The following ANKFN1 variants were observed in gnomAD, a reference collection of about 807,000 sequenced individuals.
ANKFN1 encodes the protein ankyrin repeat and fibronectin type III domain containing 1.
Under a neutral mutation model 108.7 loss-of-function variants are expected in ANKFN1, and 74 were observed. The observed-to-expected ratio is 0.68, with a 90% CI of 0.56 to 0.83. The LOEUF is 0.83. Ranked by LOEUF, ANKFN1 falls within the 40% of genes least tolerant of loss-of-function variation. The probability of loss-of-function intolerance (pLI) is 0.00; values close to 1 mark genes in which losing one functional copy is unlikely to be tolerated. For missense variants in ANKFN1, 1,505 were observed against 1,382.3 expected (o/e 1.09, Z -1.41); for synonymous variants, 547 against 516.2 (o/e 1.06, Z -0.81).
intron 1 of ANKFN1, among the ~76,000 whole-genome samples, chr17:56,199,800 A>G (rs1204848005): frequency 1.3e-5 from 2 of 152,140 alleles, no homozygotes; most frequent in African/African-American, 4.8e-5. Context: ...TTTGGAACAC[A>G]TTTATACTAA....
chr17:56,380,700 G>A (rs2047073184), intron 8 of ANKFN1, among the ~76,000 whole-genome samples: 1 of 152,256 alleles, frequency 6.6e-6, no homozygotes, highest in East Asian at 1.9e-4. Flanking sequence ...AGCAGTCTGA[G>A]ATCAAACTGC....
At chr17:56,343,756 A>G (rs8076352) in intron 4 of ANKFN1, among the ~76,000 whole-genome samples, 16,558 of 151,700 alleles carry the variant, frequency 0.11, 1,785 homozygotes, top group African/African-American at 0.28. Flanking sequence ...CACTCTTCAC[A>G]TTTCTTCATA....
At chr17:56,267,618 G>A (rs2043686211) in intron 3 of ANKFN1, among the ~76,000 whole-genome samples, 1 of 152,112 alleles carries the variant, frequency 6.6e-6, no homozygotes, top group Admixed American at 6.5e-5. Context: ...ATATGGCTAA[G>A]CAGTTATCCC....
intron 15 of ANKFN1, chr17:56,471,984 A>G (rs561275912): frequency 6.6e-6 from 1 of 152,360 alleles, no homozygotes; most frequent in East Asian, 1.9e-4. Context: ...TGCACAACCA[A>G]GTGAATACGC....
chr17:56,410,524 G>A (rs2048060944), intron 8 of ANKFN1, among the ~76,000 whole-genome samples: 1 of 152,124 alleles, frequency 6.6e-6, no homozygotes, highest in Non-Finnish European at 1.5e-5. Context: ...CCAACTTATT[G>A]TTTTGTGGTG....
At chr17:56,109,223 A>G (rs535128534) in intron 4 of ANKFN1, among the ~76,000 whole-genome samples, 84 of 152,276 alleles carry the variant, frequency 5.5e-4, no homozygotes, top group African/African-American at 1.9e-3. Flanking sequence ...CGATACAACC[A>G]AGGTTTGTTT....
chr17:56,401,616 C>T (rs907201213), intron 8 of ANKFN1, among the ~76,000 whole-genome samples: 1 of 151,934 alleles, frequency 6.6e-6, no homozygotes, highest in Non-Finnish European at 1.5e-5. Flanking sequence ...GGTAAACAAT[C>T]GTATTTTCAG....
At chr17:56,132,174 A>G (rs1252761747) in intron 4 of ANKFN1, among the ~76,000 whole-genome samples, 1 of 152,196 alleles carries the variant, frequency 6.6e-6, no homozygotes, top group Non-Finnish European at 1.5e-5. Flanking sequence ...ACAAAAACCC[A>G]CATCTTAGTC....
intron 8 of ANKFN1, among the ~76,000 whole-genome samples, chr17:56,386,434 C>A (rs1029820592): frequency 5.3e-5 from 8 of 151,578 alleles, no homozygotes; most frequent in African/African-American, 1.9e-4. Flanking sequence ...AACTAACCTG[C>A]ACATTGTGCA....
intron 3 of ANKFN1, among the ~76,000 whole-genome samples, chr17:56,270,876 C>A (rs2043775302): frequency 6.6e-6 from 1 of 152,182 alleles, no homozygotes; most frequent in Non-Finnish European, 1.5e-5. Context: ...TTCAGATACT[C>A]CTCTTCCCTT....
intron 3 of ANKFN1, among the ~76,000 whole-genome samples, chr17:56,234,389 G>T (rs1288974331): frequency 1.3e-5 from 2 of 151,710 alleles, no homozygotes. Flanking sequence ...ACATGTGCAG[G>T]TTTGTTATAT....
intron 3 of ANKFN1, among the ~76,000 whole-genome samples, chr17:56,289,304 T>C (rs1194074116): frequency 2.0e-5 from 3 of 152,140 alleles, no homozygotes; most frequent in African/African-American, 7.2e-5. Flanking sequence ...GAAAGAGCTA[T>C]TTTGCTGGTG....
At chr17:56,169,409 C>G (rs1910447701) in intron 1 of ANKFN1, among the ~76,000 whole-genome samples, 3 of 152,092 alleles carry the variant, frequency 2.0e-5, no homozygotes, top group African/African-American at 4.8e-5. Flanking sequence ...GTAGCTGGAA[C>G]TACAGGAACA....
chr17:56,130,974 C>T (rs959278662), intron 4 of ANKFN1, among the ~76,000 whole-genome samples: 8 of 151,974 alleles, frequency 5.3e-5, no homozygotes, highest in African/African-American at 1.9e-4. Context: ...TAAAAGATTA[C>T]ATTTTCACAA....
chr17:56,132,367 AGCCATAT>A (rs1178595536), intron 4 of ANKFN1, among the ~76,000 whole-genome samples: 1 of 152,046 alleles, frequency 6.6e-6, no homozygotes, highest in Non-Finnish European at 1.5e-5. Context: ...TCCTCTGCAT[AGCCATAT>A]GTGGCCACCT....
At chr17:56,397,908 C>T (rs2192221) in intron 8 of ANKFN1, among the ~76,000 whole-genome samples, 101,719 of 151,988 alleles carry the variant, frequency 0.67, 34,626 homozygotes, top group East Asian at 0.96. Flanking sequence ...ATTAAATCAG[C>T]GGTTTTCAAA....
At chr17:56,148,639 GAA>G (rs61565642), upstream of ANKFN1, among the ~76,000 whole-genome samples, 2 of 145,632 alleles carry the variant, frequency 1.4e-5, no homozygotes, top group African/African-American at 5.0e-5. Flanking sequence ...TGTTTAGGAG[GAA>G]AAAAAAAAAT....
chr17:56,235,170 T>G (rs755796255), intron 3 of ANKFN1, among the ~76,000 whole-genome samples: 1 of 152,218 alleles, frequency 6.6e-6, no homozygotes, highest in Non-Finnish European at 1.5e-5. Flanking sequence ...TGTCTGTTCA[T>G]GTCCATTGCC....
intron 2 of ANKFN1, among the ~76,000 whole-genome samples, chr17:56,220,800 G>C (rs868413035): frequency 1.0e-5 from 1 of 99,058 alleles, no homozygotes; most frequent in Non-Finnish European, 2.1e-5. Context: ...GGGAGGAAGG[G>C]AGGGAGGGAG....
Sources: allele counts gnomAD v4.1 joint callset (sites outside exome capture counted in the v4.1 genomes callset), GRCh38; gene constraint gnomAD v4.1.1; transcripts MANE v1.5; gene names NCBI Gene and HGNC (gene_info 2026-07-23, HGNC 2026-07-21).